Variants in UGT3A1 observed in about 807,000 individuals in gnomAD.
UGT3A1 encodes UDP-glycosyltransferase 3A1.
Under a neutral mutation model 37.6 loss-of-function variants are expected in UGT3A1, and 40 were observed. The observed-to-expected ratio is 1.06, with a 90% CI of 0.83 to 1.38. UGT3A1 has a LOEUF of 1.38. Among genes scored for constraint, UGT3A1 ranks in the 40% most tolerant of loss-of-function variants. UGT3A1 has a pLI of 0.00. For synonymous variants in UGT3A1, 256 were observed against 232.3 expected (o/e 1.10, Z -0.93); for missense variants, 642 against 634.2 (o/e 1.01, Z -0.13).
intron 2 of UGT3A1, among the ~76,000 whole-genome samples, chr5:35,971,110 G>A (rs188302681): frequency 7.9e-5 from 12 of 152,010 alleles, no homozygotes; most frequent in Non-Finnish European, 1.5e-4. Context: ...CAATATCCTG[G>A]CCCACAATCA....
upstream of UGT3A1, among the ~76,000 whole-genome samples, chr5:35,993,927 A>C (rs1295893179): frequency 6.6e-6 from 1 of 152,088 alleles, no homozygotes; most frequent in Non-Finnish European, 1.5e-5. Context: ...ACAAACAAAC[A>C]AACAAAAAGC....
Position 35,965,815 on chromosome 5 carries a change from G to GT in UGT3A1, c.413dup (p.Asn138LysfsTer3), listed in dbSNP as rs1226555846. 1 of 1,614,132 alleles carries GT rather than the reference G, an allele frequency of 6.2e-7. No individual in the cohort carries two copies. The highest frequency in any genetic ancestry group is 8.5e-7 in the Non-Finnish European group (1 of 1,180,016). On this transcript the variant is annotated frameshift_variant, in exon 4 of 7. Coordinates refer to ENST00000274278, the MANE Select transcript of UGT3A1 (RefSeq NM_152404.4). LOFTEE classifies it high-confidence loss of function. ...ATGCTTCAACAAATACCAGATCATA[G>GT]TTCTCATTCTTTAAGGAATCCATTA...
intron 2 of UGT3A1, among the ~76,000 whole-genome samples, chr5:35,982,746 A>G (rs1740577672): frequency 1.3e-5 from 2 of 152,150 alleles, no homozygotes; most frequent in African/African-American, 4.8e-5. Context: ...AGGACATGAG[A>G]TTTGGAAGGG....
intron 2 of UGT3A1, among the ~76,000 whole-genome samples, chr5:35,979,968 A>C (rs939493789): frequency 2.0e-5 from 3 of 152,174 alleles, no homozygotes; most frequent in Non-Finnish European, 2.9e-5. Context: ...ATTCACTATC[A>C]CAAGAATAGC....
chr5:35,966,648 C>T (rs976650401), intron 3 of UGT3A1, among the ~76,000 whole-genome samples: 7 of 152,136 alleles, frequency 4.6e-5, no homozygotes, highest in Non-Finnish European at 1.0e-4. Context: ...TAATTGCTTG[C>T]ATGGAAAATG....
chr5:35,974,336 C>G (rs1249736119), intron 2 of UGT3A1, among the ~76,000 whole-genome samples: 1 of 152,072 alleles, frequency 6.6e-6, no homozygotes, highest in Non-Finnish European at 1.5e-5. Context: ...AATAGATATA[C>G]TCGGTATTGG....
intron 5 of UGT3A1, among the ~76,000 whole-genome samples, 176 bp downstream of exon 5, chr5:35,957,012 A>G (rs979111899): frequency 6.6e-6 from 1 of 152,198 alleles, no homozygotes; most frequent in Non-Finnish European, 1.5e-5. Flanking sequence ...TTTGAAGTAC[A>G]GCCTGATTCC....
chr5:35,975,346 T>C (rs1281744572), intron 2 of UGT3A1, among the ~76,000 whole-genome samples: 1 of 152,236 alleles, frequency 6.6e-6, no homozygotes, highest in Admixed American at 6.5e-5. Context: ...GGTAACCTAG[T>C]CAGCTATCCA....
In UGT3A1 at chr5:35,954,512, C is replaced by T. The variant is rs4869444; in HGVS notation, c.1296-34G>A. 7,403 of 1,605,008 alleles carry T rather than the reference C, an allele frequency of 4.6e-3. 111 individuals are homozygous for T. Among genetic ancestry groups the T allele is most frequent in the East Asian group, 0.046 (2,044 of 44,662 alleles). ...GGAGACAGAGAGGGTGTGTTACTGA[C>T]GTAGCCTCACAAGTCTTACAGACTT... On this transcript the variant is annotated intron_variant, in intron 6 of 6. Coordinates refer to ENST00000274278, the MANE Select transcript of UGT3A1 (RefSeq NM_152404.4).
intron 2 of UGT3A1, 150 bp from the exon 3 acceptor site, chr5:35,968,283 A>G: frequency 5.2e-6 from 3 of 574,406 alleles, no homozygotes; most frequent in Admixed American, 3.5e-5. Context: ...TTTCTTTTTC[A>G]TTCATTCAAA....
At chr5:35,967,961 T>C in intron 3 of UGT3A1, 58 bp downstream of exon 3, 1 of 1,309,004 alleles carries the variant, frequency 7.6e-7, no homozygotes, top group Non-Finnish European at 1.1e-6. Flanking sequence ...TGCATCTCTC[T>C]ATTCATTTGT....
intron 2 of UGT3A1, among the ~76,000 whole-genome samples, chr5:35,978,279 C>A (rs1352246405): frequency 6.6e-6 from 1 of 152,194 alleles, no homozygotes; most frequent in African/African-American, 2.4e-5. Context: ...AAGTGATCCA[C>A]CTGCCTCAGC....
In UGT3A1 at chr5:35,953,839, T is replaced by A. The variant is rs1295864199; in HGVS notation, c.*363A>T. On this transcript the variant is annotated 3_prime_UTR_variant, in exon 7 of 7. Transcript: ENST00000274278. ...TTTGAAATGGAAGATATGTCAAATA[T>A]TTCCTGAGTTTTTTTATGAAAAGTG... The A allele has an allele frequency of 5.1e-6, 1 of 196,316 alleles. No individual in the cohort carries two copies. Among genetic ancestry groups the A allele is most frequent in the African/African-American group, 2.3e-5 (1 of 43,018 alleles). The allele number at this position is 196,316 out of a possible 1,614,324, so 12.2% of individuals were successfully genotyped here. A position where few individuals can be genotyped will look rare whatever the true frequency, so the allele number is the denominator to read the frequency against.
intron 2 of UGT3A1, among the ~76,000 whole-genome samples, chr5:35,983,014 A>G (rs1427221746): frequency 6.6e-6 from 1 of 152,190 alleles, no homozygotes; most frequent in Non-Finnish European, 1.5e-5. Context: ...ACCTTCTGCC[A>G]CAATTGTAAG....
intron 2 of UGT3A1, among the ~76,000 whole-genome samples, chr5:35,974,429 C>T (rs1169414168): frequency 1.3e-5 from 2 of 152,158 alleles, no homozygotes. Context: ...CTAAAATGAC[C>T]TGTATCTGGC....
At chr5:35,954,691 T>A (rs1164462757) in intron 6 of UGT3A1, 1 of 586,552 alleles carries the variant, frequency 1.7e-6, no homozygotes, top group Non-Finnish European at 3.0e-6. Flanking sequence ...CAAAGACCAA[T>A]GATTAATTCT....
rs1385161273 is a variant in UGT3A1 at position 35,968,213 on chromosome 5, T to C, written c.197-80A>G. On this transcript the variant is annotated intron_variant, in intron 2 of 6. Transcript: ENST00000274278. ...CATTAGCATGATGATATTAAAGTTT[T>C]ATTCTATTAATTTTACATTTATGGA... is the stretch of plus-strand genomic sequence containing the variant. 4.9e-6 allele frequency: 4 copies of C among 821,884 alleles called. No homozygotes were observed. In the African/African-American group the frequency reaches 7.0e-5, roughly 14 times the overall value. 50.9% of individuals were successfully genotyped at this position (821,884 alleles called of 1,614,324 possible).
chr5:35,988,788 A>G (rs1740826468), intron 1 of UGT3A1, among the ~76,000 whole-genome samples: 1 of 152,142 alleles, frequency 6.6e-6, no homozygotes, highest in Non-Finnish European at 1.5e-5. Flanking sequence ...ATCCTCCATC[A>G]AAGATTTCCG....
intron 4 of UGT3A1, among the ~76,000 whole-genome samples, chr5:35,958,424 G>T (rs973263737): frequency 6.6e-6 from 1 of 152,120 alleles, no homozygotes; most frequent in Non-Finnish European, 1.5e-5. Flanking sequence ...CATTGTGTAG[G>T]ATAACTTGAT....
Sources: allele counts gnomAD v4.1 joint callset (sites outside exome capture counted in the v4.1 genomes callset), GRCh38; gene constraint gnomAD v4.1.1; transcripts MANE v1.5; gene names NCBI Gene and HGNC (gene_info 2026-07-23, HGNC 2026-07-21).